The following ATG7 variants were observed in gnomAD, a reference collection of about 807,000 sequenced individuals.
The protein encoded by ATG7 is ubiquitin-like modifier-activating enzyme ATG7.
Under a neutral mutation model 82.4 loss-of-function variants are expected in ATG7, and 70 were observed. The ratio of observed to expected loss-of-function variants is 0.85; its 90% CI spans 0.70 to 1.04. The LOEUF (loss-of-function observed/expected upper bound fraction) is 1.04, where lower values mean the gene tolerates loss of function less well. ATG7 is among the 50% of genes least tolerant of loss of function. The pLI is 0.00. For synonymous variants in ATG7, 287 were observed against 313.0 expected (o/e 0.92, Z 0.88); for missense variants, 792 against 864.3 (o/e 0.92, Z 1.05).
chr3:11,396,094 CA>C (rs2079244796), intron 19 of ATG7, among the ~76,000 whole-genome samples: 1 of 148,704 alleles, frequency 6.7e-6, no homozygotes, highest in Non-Finnish European at 1.5e-5. Context: ...GAAGGTGATC[CA>C]AAACGTTAAA....
At chr3:11,461,706 G>A (rs1204655814) in intron 20 of ATG7, among the ~76,000 whole-genome samples, 5 of 152,072 alleles carry the variant, frequency 3.3e-5, no homozygotes, top group African/African-American at 4.8e-5. Context: ...TTTGGCAATC[G>A]TCTTATCCAA....
At chr3:11,303,459 G>A (rs1482835163) in intron 5 of ATG7, among the ~76,000 whole-genome samples, 1 of 151,956 alleles carries the variant, frequency 6.6e-6, no homozygotes, top group Non-Finnish European at 1.5e-5. Flanking sequence ...CACGAGGTCA[G>A]GAGATCAAGA....
chr3:11,540,907 TGGG>T (rs1230126956), intron 20 of ATG7, among the ~76,000 whole-genome samples: 1 of 35,004 alleles, frequency 2.9e-5, no homozygotes, highest in Non-Finnish European at 7.4e-5. Context: ...TAGCTTTTTT[TGGG>T]GGGGGGAGGG....
At chr3:11,520,216 T>C (rs897441829) in intron 20 of ATG7, among the ~76,000 whole-genome samples, 6 of 152,174 alleles carry the variant, frequency 3.9e-5, no homozygotes, top group African/African-American at 1.4e-4. Flanking sequence ...CGAACCCACT[T>C]AGGCAGACCC....
downstream of ATG7, among the ~76,000 whole-genome samples, chr3:11,559,115 G>A (rs2072722480): frequency 6.6e-6 from 1 of 152,242 alleles, no homozygotes; most frequent in South Asian, 2.1e-4. Context: ...ACTAGGGCAT[G>A]AGACCCTGGA....
chr3:11,571,204 G>C, the ATG7 span, among the ~76,000 whole-genome samples: 1 of 152,160 alleles, frequency 6.6e-6, no homozygotes, highest in South Asian at 2.1e-4. Context: ...ATCCTCGCTG[G>C]CAGGGACACA....
At chr3:11,441,543 G>A (rs1420147281) in intron 20 of ATG7, among the ~76,000 whole-genome samples, 1 of 151,348 alleles carries the variant, frequency 6.6e-6, no homozygotes, top group African/African-American at 2.4e-5. Flanking sequence ...CAACCAGCCT[G>A]CATTATGTTT....
intron 19 of ATG7, among the ~76,000 whole-genome samples, chr3:11,417,815 ATTTTT>A (rs372904207): frequency 3.1e-5 from 2 of 64,954 alleles, no homozygotes; most frequent in Non-Finnish European, 7.0e-5. Context: ...ATTTTATTTT[ATTTTT>A]TTTTTTTTTG....
chr3:11,390,210 C>T (rs900595174), intron 19 of ATG7, among the ~76,000 whole-genome samples: 1 of 152,120 alleles, frequency 6.6e-6, no homozygotes, highest in East Asian at 1.9e-4. Flanking sequence ...ACAATATTTT[C>T]GTTATTTCAG....
At chr3:11,576,326 A>G in the ATG7 span, among the ~76,000 whole-genome samples, 1 of 152,380 alleles carries the variant, frequency 6.6e-6, no homozygotes, top group South Asian at 2.1e-4. Flanking sequence ...TGCTGAGATT[A>G]ATAAAATTGA....
At chr3:11,569,487 G>A in the ATG7 span, among the ~76,000 whole-genome samples, 35 of 152,336 alleles carry the variant, frequency 2.3e-4, no homozygotes, top group African/African-American at 7.5e-4. Context: ...CATGCCAGGC[G>A]TTGCCTGGCA....
In ATG7 at chr3:11,333,171, G is replaced by A. The variant is rs369743661; in HGVS notation, c.889+78G>A. 495 of 1,429,840 alleles carry A rather than the reference G, an allele frequency of 3.5e-4. 5 individuals carry two copies. In the South Asian group the frequency reaches 6.5e-3, roughly 19 times the overall value. 88.6% of individuals were successfully genotyped at this position (1,429,840 alleles called of 1,614,324 possible). A position where few individuals can be genotyped will look rare whatever the true frequency, so the allele number is the denominator to read the frequency against. On this transcript the variant is annotated intron_variant, in intron 11 of 20. Coordinates refer to ENST00000693202, the MANE Select transcript of ATG7 (RefSeq NM_001349232.2). ...ACCAGGTTTACTTTCTTTTCATATC[G>A]TCACAATGGCAGAAGAAAGGAAGAG...
intron 3 of ATG7, among the ~76,000 whole-genome samples, chr3:11,285,303 C>T (rs1559324244): frequency 6.6e-6 from 1 of 151,616 alleles, no homozygotes; most frequent in African/African-American, 2.4e-5. Flanking sequence ...CCTCCCACCT[C>T]AGCCTCCCAA....
chr3:11,387,830 C>T (rs1263006898), intron 19 of ATG7, among the ~76,000 whole-genome samples: 1 of 152,074 alleles, frequency 6.6e-6, no homozygotes, highest in South Asian at 2.1e-4. Context: ...ATTAGCCAGG[C>T]GTGGTGGCAG....
chr3:11,375,489 A>G (rs1356774163), intron 18 of ATG7, among the ~76,000 whole-genome samples: 3 of 152,238 alleles, frequency 2.0e-5, no homozygotes, highest in African/African-American at 7.2e-5. Flanking sequence ...GCTATAATCT[A>G]CAAGAGACAA....
At chr3:11,388,245 C>T (rs1284733552) in intron 19 of ATG7, among the ~76,000 whole-genome samples, 1 of 152,058 alleles carries the variant, frequency 6.6e-6, no homozygotes, top group Non-Finnish European at 1.5e-5. Context: ...TTTTGTGTCT[C>T]TGAGATTGTG....
chr3:11,397,724 T>C (rs1344267395), intron 19 of ATG7, among the ~76,000 whole-genome samples: 5 of 52,986 alleles, frequency 9.4e-5, no homozygotes, highest in Non-Finnish European at 1.4e-4. Context: ...CCCAGAGTGC[T>C]GGGATTACAG....
chr3:11,275,238 T>C (rs1303487011), intron 1 of ATG7, among the ~76,000 whole-genome samples: 1 of 152,120 alleles, frequency 6.6e-6, no homozygotes, highest in Non-Finnish European at 1.5e-5. Context: ...TTGACTAGTG[T>C]CTCTAATAGA....
At chr3:11,437,479 G>T (rs953832592) in intron 20 of ATG7, among the ~76,000 whole-genome samples, 5 of 152,072 alleles carry the variant, frequency 3.3e-5, no homozygotes, top group African/African-American at 4.8e-5. Context: ...AGAGCACGTT[G>T]CTATCTGTTT....
Sources: gnomAD v4.1 joint callset for allele counts (sites outside exome capture counted in the v4.1 genomes callset) on GRCh38, gnomAD v4.1.1 for gene constraint, MANE v1.5 for transcripts, NCBI Gene and HGNC (gene_info 2026-07-23, HGNC 2026-07-21) for gene names.